Variants in SLC22A11 observed in about 807,000 individuals in gnomAD.
SLC22A11 encodes the protein organic anion transporter 4.
In SLC22A11, 42 loss-of-function variants were observed where a neutral mutation model predicts 49.4. The observed-to-expected ratio is 0.85, with a 90% CI of 0.66 to 1.10. The LOEUF (loss-of-function observed/expected upper bound fraction) is 1.10, where lower values mean the gene tolerates loss of function less well. Among genes scored for constraint, SLC22A11 ranks in the 50% least tolerant of loss-of-function variants. SLC22A11 has a pLI of 0.00. For missense variants in SLC22A11, 685 were observed against 731.6 expected (o/e 0.94, Z 0.74); for synonymous variants, 304 against 315.8 (o/e 0.96, Z 0.40).
chr11:64,559,412 G>A (rs1171635801), intron 2 of SLC22A11, among the ~76,000 whole-genome samples, 174 bp downstream of exon 2: 1 of 151,880 alleles, frequency 6.6e-6, no homozygotes, highest in Non-Finnish European at 1.5e-5. Flanking sequence ...GCTGTTCCGG[G>A]TCCCCATCTC....
At position 64,564,258 on chromosome 11, in the gene SLC22A11, C is replaced by G; in HGVS notation, c.822-50C>G. The stretch of plus-strand genomic sequence containing the variant: ...CCCACTGCCCCTTTCCACCCCGCCC[C>G]GGGGGAGAGCCCAGCGTGCACTCCC... On this transcript the variant is annotated intron_variant, in intron 4 of 9. Coordinates refer to ENST00000301891, the MANE Select transcript of SLC22A11 (RefSeq NM_018484.4). This position sits in a 1 kb window ranked among gnomAD's most constrained non-coding sequence, Gnocchi z 4.2. 1 of 1,608,934 alleles carries G rather than the reference C, an allele frequency of 6.2e-7. No homozygotes were observed. The highest frequency in any genetic ancestry group is 8.5e-7 in the Non-Finnish European group (1 of 1,176,976).
chr11:64,567,501 C>A, intron 6 of SLC22A11, 98 bp from the exon 7 acceptor site: 1 of 1,160,560 alleles, frequency 8.6e-7, no homozygotes, highest in Non-Finnish European at 1.3e-6. Flanking sequence ...CCGGGGTTGG[C>A]CATGTCCTCC....
In SLC22A11 at chr11:64,555,963, T is replaced by G; in HGVS notation, c.-37T>G. The stretch of plus-strand genomic sequence containing the variant: ...GCTGCAATCGGTTCCAAACAGCAGT[T>G]AGGTCAGCAGTCCGCTCAGCCGAGG... On this transcript the variant is annotated 5_prime_UTR_variant, in exon 1 of 10. Coordinates refer to ENST00000301891, the MANE Select transcript of SLC22A11 (RefSeq NM_018484.4). 6.4e-7 allele frequency: 1 copy of G among 1,552,600 alleles called. No individual in the cohort carries two copies. Among genetic ancestry groups the G allele is most frequent in the Non-Finnish European group, 8.7e-7 (1 of 1,153,804 alleles).
At chr11:64,567,256 C>T (rs1357226927) in intron 6 of SLC22A11, among the ~76,000 whole-genome samples, 1 of 152,236 alleles carries the variant, frequency 6.6e-6, no homozygotes, top group African/African-American at 2.4e-5. Context: ...AGAATCAAAG[C>T]CAGAGAGGGC....
chr11:64,557,014 C>T (rs943959109), intron 1 of SLC22A11, among the ~76,000 whole-genome samples: 4 of 152,192 alleles, frequency 2.6e-5, no homozygotes, highest in South Asian at 2.1e-4. Flanking sequence ...AGATTCGGAT[C>T]GGGGCTCCGG....
At chr11:64,557,627 C>CT (rs766276214) in intron 1 of SLC22A11, among the ~76,000 whole-genome samples, 6,926 of 104,068 alleles carry the variant, frequency 0.067, 1,023 homozygotes, top group African/African-American at 0.26. Context: ...TTTTCTTTCT[C>CT]TTTTTTTTTT....
rs989022959 is a variant in SLC22A11, at chr11:64,572,049, G to T, written c.*1007G>T. The stretch of plus-strand genomic sequence containing the variant: ...TGGGCCGGGGAGCCTCATCCACAGG[G>T]CGGAGTGAAAGGGGAGAAGGGGAGC... On this transcript the variant is annotated 3_prime_UTR_variant, in exon 10 of 10. Coordinates refer to ENST00000301891, the MANE Select transcript of SLC22A11 (RefSeq NM_018484.4). 6.6e-6 allele frequency: 1 copy of T among 152,424 alleles called. No homozygotes were observed. Among genetic ancestry groups the T allele is most frequent in the African/African-American group, 2.4e-5 (1 of 41,480 alleles). 9.4% of individuals were successfully genotyped at this position (152,424 alleles called of 1,614,324 possible).
rs2038592505 is a variant in SLC22A11, at chr11:64,564,293, C to G, written c.822-15C>G. 1 of 1,613,764 alleles carries G rather than the reference C, an allele frequency of 6.2e-7. No homozygotes were observed. Among genetic ancestry groups the G allele is most frequent in the Admixed American group, 1.7e-5 (1 of 59,996 alleles). On this transcript the variant is annotated splice_polypyrimidine_tract_variant and intron_variant, in intron 4 of 9. Coordinates refer to ENST00000301891, the MANE Select transcript of SLC22A11 (RefSeq NM_018484.4). This position sits in a 1 kb window ranked among gnomAD's most constrained non-coding sequence, Gnocchi z 4.2. ...CCCAGCGTGCACTCCCAGCTACACA[C>G]CTGCCTCCTTACAGGTGGCTGCCAG... is the stretch of plus-strand genomic sequence containing the variant.
In SLC22A11 at chr11:64,567,593, C is replaced by T. The variant is rs2038643231; in HGVS notation, c.1059-6C>T. 1 of 1,613,346 alleles carries T rather than the reference C, an allele frequency of 6.2e-7. No individual in the cohort carries two copies. The highest frequency in any genetic ancestry group is 8.5e-7 in the Non-Finnish European group (1 of 1,179,556). On this transcript the variant is annotated splice_polypyrimidine_tract_variant and splice_region_variant and intron_variant, in intron 6 of 9. Coordinates refer to ENST00000301891, the MANE Select transcript of SLC22A11 (RefSeq NM_018484.4). ...GCAGGGACCTGACTTCCAGCCTTGC[C>T]CGCAGTTTCTCTCTATTGATCTCCT... is the stretch of plus-strand genomic sequence containing the variant.
chr11:64,568,580 C>T, intron 7 of SLC22A11, 90 bp from the exon 8 acceptor site: 1 of 1,058,128 alleles, frequency 9.5e-7, no homozygotes. Context: ...GCCCAGGGTC[C>T]CCTCTGCTCC....
At chr11:64,560,953 C>T (rs2038535054) in intron 2 of SLC22A11, among the ~76,000 whole-genome samples, 1 of 152,258 alleles carries the variant, frequency 6.6e-6, no homozygotes, top group South Asian at 2.1e-4. Context: ...CTTCCCTTCT[C>T]TGGGCCTCAG....
chr11:64,557,798 ATTT>A (rs71049648), intron 1 of SLC22A11, among the ~76,000 whole-genome samples: 1 of 133,334 alleles, frequency 7.5e-6, no homozygotes. Context: ...TGCCCAGCTA[ATTT>A]TTTTTTTTTT....
intron 4 of SLC22A11, among the ~76,000 whole-genome samples, chr11:64,563,198 A>C (rs1168693872): frequency 1.3e-5 from 2 of 152,102 alleles, no homozygotes; most frequent in Non-Finnish European, 2.9e-5. Flanking sequence ...CATAATTACA[A>C]TAATTAGGCC....
intron 1 of SLC22A11, among the ~76,000 whole-genome samples, chr11:64,558,372 C>G (rs561807027): frequency 6.6e-6 from 1 of 152,268 alleles, no homozygotes; most frequent in East Asian, 1.9e-4. Context: ...GATGGGGAGC[C>G]CACTGGAGGC....
chr11:64,569,755 C>A lies in SLC22A11; in HGVS notation c.1486C>A (p.Leu496Ile). 6.2e-7 allele frequency: 1 copy of A among 1,614,182 alleles called. No individual in the cohort carries two copies. The highest frequency in any genetic ancestry group is 8.5e-7 in the Non-Finnish European group (1 of 1,180,032). Residue 496 changes from leucine to isoleucine, a missense_variant, in exon 9 of 10, where the codon CTC becomes ATC. By Grantham distance (5) the Leu-to-Ile change is conservative. Transcript: ENST00000301891. The part of the protein sequence containing the change: ...RQALPLLPPL[L>I]YGVISIASSL... ...AGCCCTGCCCCTGCTGCCTCCTCTC[C>A]TCTATGGCGTTATCTCCATTGCTTC...
At chr11:64,557,855 T>C (rs114186241) in intron 1 of SLC22A11, among the ~76,000 whole-genome samples, 5,811 of 148,836 alleles carry the variant, frequency 0.039, 356 homozygotes, top group African/African-American at 0.13. Flanking sequence ...TGGAGTGCAA[T>C]AACGCAATCT....
chr11:64,562,849 C>T lies in SLC22A11; in HGVS notation c.821+414C>T, dbSNP rs1381512713. 6.6e-6 allele frequency among the ~76,000 whole-genome samples: 1 copy of T among 152,192 alleles called. No homozygotes were observed. The highest frequency in any genetic ancestry group is 2.4e-5 in the African/African-American group (1 of 41,438). On this transcript the variant is annotated intron_variant, in intron 4 of 9. Transcript: ENST00000301891. This position sits in a 1 kb window ranked among gnomAD's most constrained non-coding sequence, Gnocchi z 4.4. Reference sequence around the variant, plus strand: ...AGTGGAAGCGGCCGCTCTCCCGGTCCCCAAGGCCCCACTGCCGCTGTCCCC... The same window carrying T: ...AGTGGAAGCGGCCGCTCTCCCGGTCTCCAAGGCCCCACTGCCGCTGTCCCC...
intron 6 of SLC22A11, 105 bp from the exon 7 acceptor site, chr11:64,567,494 G>A: frequency 9.8e-7 from 1 of 1,018,174 alleles, no homozygotes; most frequent in Non-Finnish European, 1.5e-6. Context: ...TTGTCCTCCG[G>A]GGTTGGCCAT....
In SLC22A11 at chr11:64,571,191, G is replaced by A. The variant is rs533612195; in HGVS notation, c.*149G>A. On this transcript the variant is annotated 3_prime_UTR_variant, in exon 10 of 10. Transcript: ENST00000301891. The stretch of plus-strand genomic sequence containing the variant: ...CCGTGGCCGAGTGGACAGCGTGGCC[G>A]TCTGCTGTGGCTGAAGGCAGCTTCC... 102 of 760,554 alleles carry A rather than the reference G, an allele frequency of 1.3e-4. 2 individuals are homozygous for A. Among genetic ancestry groups the A allele is most frequent in the South Asian group, 1.3e-3 (79 of 59,386 alleles). 47.1% of individuals were successfully genotyped at this position (760,554 alleles called of 1,614,324 possible).
Sources: allele counts gnomAD v4.1 joint callset (sites outside exome capture counted in the v4.1 genomes callset), GRCh38; gene constraint gnomAD v4.1.1; non-coding constraint Gnocchi (gnomAD v3.1); transcripts MANE v1.5; gene names NCBI Gene and HGNC (gene_info 2026-07-23, HGNC 2026-07-21).